PCDH9: variants seen among roughly 807,000 people sequenced by gnomAD.
PCDH9 encodes the protein protocadherin 9.
A neutral mutation model predicts 70.6 loss-of-function variants in PCDH9; 24 were observed. That is an observed-to-expected ratio of 0.34 (90% CI 0.25 to 0.48). The LOEUF (loss-of-function observed/expected upper bound fraction) is 0.48. Among genes scored for constraint, PCDH9 ranks in the 20% least tolerant of loss-of-function variants. PCDH9 has a pLI of 0.99. For synonymous variants in PCDH9, 562 were observed against 558.5 expected, an observed-to-expected ratio of 1.01 and a Z score of -0.09; for missense variants, 1,281 against 1,503.6, an observed-to-expected ratio of 0.85 and a Z score of 2.45.
chr13:67,184,565 T>TA (rs1049261335), intron 2 of PCDH9, among the ~76,000 whole-genome samples: 7 of 151,920 alleles, frequency 4.6e-5, no homozygotes, highest in African/African-American at 1.5e-4. Flanking sequence ...CCCGTCTCTA[T>TA]AAAAAAATAA....
intron 2 of PCDH9, among the ~76,000 whole-genome samples, chr13:67,046,094 C>T (rs2085216793): frequency 6.6e-6 from 1 of 151,966 alleles, no homozygotes; most frequent in Admixed American, 6.6e-5. Context: ...GGCCAGTGGC[C>T]CATGCTATTA....
At chr13:66,407,543 CATG>C (rs1449319217) in intron 4 of PCDH9, among the ~76,000 whole-genome samples, 1 of 152,112 alleles carries the variant, frequency 6.6e-6, no homozygotes. Context: ...CTGTAATTTC[CATG>C]TAGGTATAAA....
At chr13:66,764,769 G>A (rs750702195) in intron 3 of PCDH9, among the ~76,000 whole-genome samples, 2 of 151,800 alleles carry the variant, frequency 1.3e-5, no homozygotes, top group African/African-American at 2.4e-5. Context: ...ACAACTTTGC[G>A]CCATTATTAG....
At chr13:66,995,414 C>T (rs2084093042) in intron 2 of PCDH9, among the ~76,000 whole-genome samples, 1 of 152,126 alleles carries the variant, frequency 6.6e-6, no homozygotes, top group Non-Finnish European at 1.5e-5. Context: ...GGTAAATGCA[C>T]CTGCAGTGAG....
intron 4 of PCDH9, among the ~76,000 whole-genome samples, chr13:66,356,004 TA>T (rs1232061285): frequency 1.3e-5 from 2 of 151,910 alleles, no homozygotes; most frequent in Non-Finnish European, 1.5e-5. Context: ...TTTTAAGTAC[TA>T]AAAAAAATTA....
intron 2 of PCDH9, among the ~76,000 whole-genome samples, chr13:67,146,362 G>T (rs986032463): frequency 1.4e-4 from 21 of 152,186 alleles, no homozygotes; most frequent in African/African-American, 5.1e-4. Flanking sequence ...ATGTGAAAAT[G>T]TGATGATTTG....
intron 4 of PCDH9, among the ~76,000 whole-genome samples, chr13:66,596,502 T>A (rs928216745): frequency 6.8e-6 from 1 of 146,562 alleles, no homozygotes; most frequent in Non-Finnish European, 1.5e-5. Flanking sequence ...TTCAAACAGA[T>A]GCATTATATT....
intron 4 of PCDH9, among the ~76,000 whole-genome samples, chr13:66,585,357 T>TC (rs200913646): frequency 0.011 from 1,598 of 151,794 alleles, 36 homozygotes; most frequent in African/African-American, 0.035. Flanking sequence ...ACCTTTACCA[T>TC]CCCCCCCAAA....
At chr13:66,626,191 A>G (rs1405981301) in intron 4 of PCDH9, among the ~76,000 whole-genome samples, 3 of 152,074 alleles carry the variant, frequency 2.0e-5, no homozygotes, top group Non-Finnish European at 4.4e-5. Flanking sequence ...CCCGGTTGGG[A>G]AGAAGAAAGA....
chr13:67,196,747 G>A (rs1047730954), intron 2 of PCDH9, among the ~76,000 whole-genome samples: 3 of 151,964 alleles, frequency 2.0e-5, no homozygotes, highest in Non-Finnish European at 2.9e-5. Context: ...TTCTTGGAAT[G>A]AGTGTTAGAT....
Position 66,304,406 on chromosome 13 carries a change from TA to T in PCDH9, c.*248del, listed in dbSNP as rs34210948. ...CCAGGGTCAAAATAAAATGCAATAA[TA>T]AAAAAAATTTGCACAATGGAGAGAT... is the stretch of plus-strand genomic sequence containing the variant. On this transcript the variant is annotated 3_prime_UTR_variant, in exon 5 of 5. Transcript: ENST00000377865. 17,240 of 388,834 alleles carry T rather than the reference TA, an allele frequency of 0.044. 513 individuals are homozygous for T. The highest frequency in any genetic ancestry group is 0.061 in the Non-Finnish European group (13,133 of 216,306). 24.1% of individuals were successfully genotyped at this position (388,834 alleles called of 1,614,324 possible).
At chr13:66,434,070 A>G (rs1273860549) in intron 4 of PCDH9, among the ~76,000 whole-genome samples, 1 of 151,936 alleles carries the variant, frequency 6.6e-6, no homozygotes, top group African/African-American at 2.4e-5. Context: ...CCTTTAACTT[A>G]CAATGGCTAT....
chr13:66,381,606 C>G (rs779042916), intron 4 of PCDH9, among the ~76,000 whole-genome samples: 2 of 152,224 alleles, frequency 1.3e-5, no homozygotes, highest in African/African-American at 2.4e-5. Flanking sequence ...TAGCAAAAGT[C>G]TTGGTTGGCG....
intron 3 of PCDH9, among the ~76,000 whole-genome samples, chr13:66,685,602 T>A (rs938377060): frequency 1.3e-5 from 2 of 152,136 alleles, no homozygotes; most frequent in African/African-American, 4.8e-5. Context: ...GACCCCAGAA[T>A]GGTAAATCCA....
At chr13:67,198,939 G>A (rs1208208299) in intron 2 of PCDH9, among the ~76,000 whole-genome samples, 2 of 151,586 alleles carry the variant, frequency 1.3e-5, no homozygotes, top group African/African-American at 4.8e-5. Flanking sequence ...ACTTATTAAT[G>A]TTAATTTCAA....
At chr13:66,572,433 C>A (rs34591072) in intron 4 of PCDH9, among the ~76,000 whole-genome samples, 52,531 of 151,888 alleles carry the variant, frequency 0.35, 9,570 homozygotes, top group African/African-American at 0.46. Context: ...CAATTTTTTT[C>A]GTTCCCACAT....
At chr13:67,097,237 T>C (rs1296336879) in intron 2 of PCDH9, among the ~76,000 whole-genome samples, 1 of 151,836 alleles carries the variant, frequency 6.6e-6, no homozygotes, top group Non-Finnish European at 1.5e-5. Flanking sequence ...GCCTGGGCAA[T>C]AGAGTGAGAC....
At chr13:66,387,045 T>C (rs1184180412) in intron 4 of PCDH9, among the ~76,000 whole-genome samples, 1 of 152,128 alleles carries the variant, frequency 6.6e-6, no homozygotes, top group African/African-American at 2.4e-5. Flanking sequence ...ACAATAACCA[T>C]TTACTCTTCT....
intron 4 of PCDH9, among the ~76,000 whole-genome samples, chr13:66,516,027 T>A (rs1419513146): frequency 6.6e-6 from 1 of 152,164 alleles, no homozygotes; most frequent in East Asian, 1.9e-4. Context: ...AATATTTTAT[T>A]TTCAGAGTTT....
Sources: allele counts gnomAD v4.1 joint callset (sites outside exome capture counted in the v4.1 genomes callset), GRCh38; gene constraint gnomAD v4.1.1; transcripts MANE v1.5; gene names NCBI Gene and HGNC (gene_info 2026-07-23, HGNC 2026-07-21).